The following ANKRD36B variants were observed in gnomAD, a reference collection of about 807,000 sequenced individuals.
ANKRD36B encodes ankyrin repeat domain-containing protein 36B.
In ANKRD36B, 37 loss-of-function variants were observed where a neutral mutation model predicts 135.7. The observed-to-expected ratio is 0.27, with a 90% confidence interval of 0.21 to 0.36. The LOEUF (loss-of-function observed/expected upper bound fraction) is 0.36. Among genes scored for constraint, ANKRD36B ranks in the 10% least tolerant of loss-of-function variants. The pLI is 1.00. For synonymous variants in ANKRD36B, 179 were observed against 348.1 expected, an observed-to-expected ratio of 0.51 and a Z score of 5.41; for missense variants, 549 against 1,037.1, an observed-to-expected ratio of 0.53 and a Z score of 6.46.
intron 5 of ANKRD36B, among the ~76,000 whole-genome samples, chr2:97,578,530 A>G (rs1396153466): frequency 5.9e-5 from 9 of 151,914 alleles, no homozygotes; most frequent in African/African-American, 9.7e-5. Context: ...CCAGTACACA[A>G]CTCAAGGTTT....
rs780868175 is a variant in ANKRD36B at position 97,558,937 on chromosome 2, G to T, written c.894+29C>A. On this transcript the variant is annotated intron_variant, in intron 9 of 43. Transcript: ENST00000359901. Reference sequence around the variant, plus strand: ...GGTTTCATAGACTATACGGTTAATAGTTCAACATATAAATGAGACTTTAAT... The same window carrying T: ...GGTTTCATAGACTATACGGTTAATATTTCAACATATAAATGAGACTTTAAT... The T allele has an allele frequency of 2.8e-5, 45 of 1,605,978 alleles. No homozygotes were observed. The Middle Eastern group carries it at 7.1e-4, about 25-fold the overall frequency.
At position 97,514,728 on chromosome 2, in the gene ANKRD36B, GT is replaced by G. The variant is rs1339837927; in HGVS notation, c.2621+1003del. 8.7e-4 allele frequency among the ~76,000 whole-genome samples: 78 copies of G among 90,058 alleles called. 3 individuals are homozygous for G. Among genetic ancestry groups the G allele is most frequent in the African/African-American group, 2.6e-3 (76 of 29,802 alleles). 59.1% of individuals were successfully genotyped at this position (90,058 alleles called of 152,430 possible). Reference sequence around the variant, plus strand: ...TACTTTATAACCAATTGTAAAATCTGTTTTGGAACAACACAAGATCTAATAT... The same window carrying G: ...TACTTTATAACCAATTGTAAAATCTGTTTGGAACAACACAAGATCTAATAT... On this transcript the variant is annotated intron_variant, in intron 37 of 43. Coordinates refer to ENST00000359901, the MANE Select transcript of ANKRD36B (RefSeq NM_001393939.1).
intron 6 of ANKRD36B, among the ~76,000 whole-genome samples, chr2:97,562,634 A>G (rs1194599303): frequency 1.3e-5 from 2 of 152,002 alleles, no homozygotes; most frequent in African/African-American, 4.8e-5. Context: ...AATTTGACAT[A>G]CATTTTTTTC....
At chr2:97,579,522 C>CCA (rs2082445006) in intron 4 of ANKRD36B, among the ~76,000 whole-genome samples, 1 of 143,694 alleles carries the variant, frequency 7.0e-6, no homozygotes, top group East Asian at 2.0e-4. Flanking sequence ...TAATTAAACA[C>CCA]TATATATATA....
intron 6 of ANKRD36B, among the ~76,000 whole-genome samples, 141 bp downstream of exon 6, chr2:97,576,227 TAAATAATTATA>T (rs2104168886): frequency 6.7e-6 from 1 of 149,954 alleles, no homozygotes; most frequent in Non-Finnish European, 1.5e-5. Flanking sequence ...ATTAACTTTT[TAAATAATTATA>T]AAATCTAGAC....
intron 1 of ANKRD36B, among the ~76,000 whole-genome samples, chr2:97,587,045 C>G (rs552300129): frequency 6.6e-6 from 1 of 152,048 alleles, no homozygotes. Flanking sequence ...CATGGTGGCG[C>G]ACACCTGTAA....
chr2:97,567,512 G>C (rs2442268), intron 6 of ANKRD36B, among the ~76,000 whole-genome samples: 2 of 152,010 alleles, frequency 1.3e-5, no homozygotes, highest in African/African-American at 4.8e-5. Context: ...ATGATATCAT[G>C]TTGGAAATTC....
At chr2:97,553,507 T>G in intron 14 of ANKRD36B, 136 bp from the exon 15 acceptor site, 1 of 1,133,598 alleles carries the variant, frequency 8.8e-7, no homozygotes, top group South Asian at 1.5e-5. Flanking sequence ...CTTTATGTCT[T>G]AAGCCAGGAG....
chr2:97,521,711 A>G (rs2104371015), intron 36 of ANKRD36B, among the ~76,000 whole-genome samples: 1 of 98,830 alleles, frequency 1.0e-5, no homozygotes, highest in Admixed American at 9.1e-5. Flanking sequence ...AGAAAGTCAA[A>G]TTCAGACAAT....
intron 8 of ANKRD36B, among the ~76,000 whole-genome samples, 163 bp downstream of exon 8, chr2:97,560,502 C>A (rs755162021): frequency 2.6e-5 from 4 of 151,762 alleles, no homozygotes; most frequent in Non-Finnish European, 5.9e-5. Context: ...GACCAAGGAC[C>A]AGCAGTATCA....
In ANKRD36B at chr2:97,558,945, T is replaced by A. The variant is rs775119328; in HGVS notation, c.894+21A>T. On this transcript the variant is annotated intron_variant, in intron 9 of 43. Coordinates refer to ENST00000359901, the MANE Select transcript of ANKRD36B (RefSeq NM_001393939.1). Reference sequence around the variant, plus strand: ...AGACTATACGGTTAATAGTTCAACATATAAATGAGACTTTAATTACCTTCT... The same window carrying A: ...AGACTATACGGTTAATAGTTCAACAAATAAATGAGACTTTAATTACCTTCT... 3.1e-6 allele frequency: 5 copies of A among 1,605,472 alleles called. No homozygotes were observed. In the South Asian group the frequency reaches 4.4e-5, roughly 14 times the overall value.
At chr2:97,562,670 G>C (rs565636319) in intron 6 of ANKRD36B, among the ~76,000 whole-genome samples, 3 of 152,036 alleles carry the variant, frequency 2.0e-5, no homozygotes, top group Admixed American at 2.0e-4. Context: ...ATCCATATTG[G>C]TGGACTTGAT....
At chr2:97,562,842 C>T (rs2081146927) in intron 6 of ANKRD36B, among the ~76,000 whole-genome samples, 1 of 152,018 alleles carries the variant, frequency 6.6e-6, no homozygotes, top group Non-Finnish European at 1.5e-5. Context: ...TTCACAAAAG[C>T]AGCCCCATGG....
chr2:97,588,303 C>A (rs537496405), intron 1 of ANKRD36B, among the ~76,000 whole-genome samples: 14 of 152,022 alleles, frequency 9.2e-5, no homozygotes, highest in Non-Finnish European at 1.9e-4. Context: ...TCACCATTAT[C>A]CAATTCTATT....
chr2:97,547,373 C>A (rs985757867), intron 22 of ANKRD36B, 163 bp downstream of exon 22: 15 of 851,128 alleles, frequency 1.8e-5, no homozygotes, highest in Non-Finnish European at 2.3e-5. Context: ...ATGTTCCAGA[C>A]CAGCAGCAAC....
intron 43 of ANKRD36B, among the ~76,000 whole-genome samples, chr2:97,496,833 G>GTA (rs56775263): frequency 0.067 from 4,091 of 61,406 alleles, 211 homozygotes; most frequent in South Asian, 0.15. Context: ...ATATGTGTGT[G>GTA]TATATATATA....
At chr2:97,578,102 A>T (rs1194098952) in intron 5 of ANKRD36B, among the ~76,000 whole-genome samples, 2 of 152,168 alleles carry the variant, frequency 1.3e-5, no homozygotes, top group African/African-American at 4.8e-5. Flanking sequence ...TGGGCTTTAC[A>T]TCAGGTTTTG....
intron 14 of ANKRD36B, 75 bp downstream of exon 14, chr2:97,554,985 A>T: frequency 6.5e-7 from 1 of 1,533,234 alleles, no homozygotes; most frequent in Non-Finnish European, 8.9e-7. Context: ...GAGCCCCCCC[A>T]CTGATTTATT....
chr2:97,563,389 A>G (rs1218160987), intron 6 of ANKRD36B, among the ~76,000 whole-genome samples: 1 of 151,764 alleles, frequency 6.6e-6, no homozygotes, highest in African/African-American at 2.4e-5. Flanking sequence ...TTTCACTTGT[A>G]ATGAAAATTC....
Sources: allele counts gnomAD v4.1 joint callset (sites outside exome capture counted in the v4.1 genomes callset), GRCh38; gene constraint gnomAD v4.1.1; transcripts MANE v1.5; gene names NCBI Gene and HGNC (gene_info 2026-07-23, HGNC 2026-07-21).